Variants in SPG11 observed in about 807,000 individuals in gnomAD.
The protein encoded by SPG11 is SPG11 vesicle trafficking associated, spatacsin.
Under a neutral mutation model 274.0 loss-of-function variants are expected in SPG11, and 222 were observed. The observed-to-expected ratio is 0.81, with a 90% CI of 0.73 to 0.91. SPG11 has a LOEUF of 0.91. Ranked by LOEUF, SPG11 falls within the 40% of genes least tolerant of loss-of-function variation. The pLI is 0.00. For missense variants in SPG11, 3,114 were observed against 2,872.7 expected (o/e 1.08, Z -1.92); for synonymous variants, 1,144 against 1,039.7 (o/e 1.10, Z -1.93).
rs991672508 is a variant in SPG11, at chr15:44,630,452, C to T, written c.1736-1064G>A. 2.6e-5 allele frequency among the ~76,000 whole-genome samples: 4 copies of T among 152,134 alleles called. No individual in the cohort carries two copies. The East Asian group carries it at 5.8e-4, about 22-fold the overall frequency. ...CTCTACAACTGCTGATGGAGCCCTG[C>T]TCAATATCAAAAACTAGGCCTTTTT... On this transcript the variant is annotated intron_variant, in intron 8 of 39. Transcript: ENST00000261866.
Position 44,563,205 on chromosome 15 carries a change from G to C in SPG11, c.7248C>G (p.Tyr2416Ter), listed in dbSNP as rs763259072. The C allele has an allele frequency of 6.2e-7, 1 of 1,613,988 alleles. No homozygotes were observed. Among genetic ancestry groups the C allele is most frequent in the Non-Finnish European group, 8.5e-7 (1 of 1,179,968 alleles). ...EDVYLYYKLA[Y>*]EHKFYEIVNV... Reference sequence around the variant, plus strand: ...TTACAATTTCATAAAACTTGTGTTCGTATGCCAACTTGTAATACAGGTAAA... The same window carrying C: ...TTACAATTTCATAAAACTTGTGTTCCTATGCCAACTTGTAATACAGGTAAA... Residue 2416 changes from tyrosine to a stop codon, truncating the protein, a stop_gained, in exon 40 of 40, where the codon TAC becomes TAG. Coordinates refer to ENST00000261866, the MANE Select transcript of SPG11 (RefSeq NM_025137.4). LOFTEE classifies it high-confidence loss of function.
chr15:44,619,993 G>A (rs997923323), intron 15 of SPG11, 197 bp downstream of exon 15: 3 of 558,420 alleles, frequency 5.4e-6, no homozygotes, highest in Non-Finnish European at 9.6e-6. Flanking sequence ...TGAGATTACA[G>A]GCATGAGCCA....
chr15:44,571,777 T>G (rs896027606), intron 33 of SPG11, among the ~76,000 whole-genome samples: 9 of 151,878 alleles, frequency 5.9e-5, no homozygotes, highest in African/African-American at 2.2e-4. Context: ...GATTACAGGC[T>G]TGAGCCACTG....
intron 7 of SPG11, among the ~76,000 whole-genome samples, chr15:44,639,897 TAAC>T (rs2084390688): frequency 6.6e-6 from 1 of 152,098 alleles, no homozygotes; most frequent in Non-Finnish European, 1.5e-5. Flanking sequence ...TACTGTCAAT[TAAC>T]AAAATGCAAT....
At chr15:44,654,580 T>C (rs968157096) in intron 4 of SPG11, among the ~76,000 whole-genome samples, 3 of 152,182 alleles carry the variant, frequency 2.0e-5, no homozygotes, top group African/African-American at 7.2e-5. Context: ...GGCTCACGCC[T>C]GTAATCCCAG....
chr15:44,633,531 T>G lies in SPG11; in HGVS notation c.1709A>C (p.His570Pro), dbSNP rs1384155729. The part of the protein sequence containing the change: ...SKSSVSDQFD[H>P]LSSHLYLRNV... ...TCTTAAATATAAATGGGATGACAAG[T>G]GATCAAACTGATCAGATACAGAAGA... Residue 570 changes from histidine to proline, a missense_variant, in exon 8 of 40, where the codon CAC becomes CCC. Coordinates refer to ENST00000261866, the MANE Select transcript of SPG11 (RefSeq NM_025137.4). The G allele has an allele frequency of 6.2e-7, 1 of 1,605,060 alleles. No individual in the cohort carries two copies. Among genetic ancestry groups the G allele is most frequent in the Non-Finnish European group, 8.5e-7 (1 of 1,173,212 alleles).
Position 44,649,026 on chromosome 15 carries a change from A to C in SPG11, c.1457-15T>G, listed in dbSNP as rs768675026. 6.8e-6 allele frequency: 11 copies of C among 1,606,744 alleles called. No individual in the cohort carries two copies. In the East Asian group the frequency reaches 2.2e-4, roughly 33 times the overall value. On this transcript the variant is annotated splice_polypyrimidine_tract_variant and intron_variant, in intron 6 of 39. Coordinates refer to ENST00000261866, the MANE Select transcript of SPG11 (RefSeq NM_025137.4). Reference sequence around the variant, plus strand: ...GAGTCCATTCTCTATAGGAAAAATAAAAGTTAGCTTTAACAAATTAGATTA... The same window carrying C: ...GAGTCCATTCTCTATAGGAAAAATACAAGTTAGCTTTAACAAATTAGATTA...
rs763259072 is a variant in SPG11 at position 44,563,205 on chromosome 15, G to A, written c.7248C>T (p.Tyr2416=). Residue 2416 remains tyrosine, a synonymous_variant, in exon 40 of 40, where the codon TAC becomes TAT. Coordinates refer to ENST00000261866, the MANE Select transcript of SPG11 (RefSeq NM_025137.4). ...EDVYLYYKLA[Y]EHKFYEIVNV... ...TTACAATTTCATAAAACTTGTGTTCGTATGCCAACTTGTAATACAGGTAAA... is the reference window on the plus strand; with the variant it reads ...TTACAATTTCATAAAACTTGTGTTCATATGCCAACTTGTAATACAGGTAAA... 48 of 1,613,988 alleles carry A rather than the reference G, an allele frequency of 3.0e-5. No individual in the cohort carries two copies. The Middle Eastern group carries it at 4.9e-4, about 17-fold the overall frequency.
chr15:44,627,620 C>T (rs573818955), intron 10 of SPG11, among the ~76,000 whole-genome samples: 10 of 151,402 alleles, frequency 6.6e-5, no homozygotes, highest in African/African-American at 2.2e-4. Flanking sequence ...GACAGAGTCT[C>T]GCACTGTCAC....
At chr15:44,643,466 C>A (rs1332726260) in intron 7 of SPG11, among the ~76,000 whole-genome samples, 2 of 152,070 alleles carry the variant, frequency 1.3e-5, no homozygotes, top group African/African-American at 2.4e-5. Context: ...GCAAGGACAA[C>A]TGAAGATCCA....
Position 44,640,897 on chromosome 15 carries a change from T to C in SPG11, c.1603-7260A>G, listed in dbSNP as rs533153860. ...AGGTGTGCACCACCATGCCCAGCAA[T>C]TTTTGTATTTTTAGTAGAGACGGGG... is the stretch of plus-strand genomic sequence containing the variant. On this transcript the variant is annotated intron_variant, in intron 7 of 39. Transcript: ENST00000261866. 1.7e-3 allele frequency among the ~76,000 whole-genome samples: 264 copies of C among 152,064 alleles called. 2 individuals carry two copies. The highest frequency in any genetic ancestry group is 6.2e-3 in the African/African-American group (256 of 41,482).
chr15:44,566,102 T>C lies in SPG11; in HGVS notation c.6844-93A>G, dbSNP rs113932955. The C allele has an allele frequency of 2.3e-5, 37 of 1,594,306 alleles. No individual in the cohort carries two copies. In the African/African-American group the frequency reaches 4.7e-4, roughly 20 times the overall value. On this transcript the variant is annotated intron_variant, in intron 37 of 39. Transcript: ENST00000261866. ...CAACGGTATTCACCCCTTCTGTTCC[T>C]GGTTGGCCTATGATGCCCTCCCGCT...
At chr15:44,658,927 G>A in intron 3 of SPG11, 152 bp downstream of exon 3, 1 of 696,358 alleles carries the variant, frequency 1.4e-6, no homozygotes, top group East Asian at 2.6e-5. Flanking sequence ...AGTATTTTAA[G>A]TTTATGAGGA....
At chr15:44,634,880 G>A (rs890450330) in intron 7 of SPG11, among the ~76,000 whole-genome samples, 1 of 152,026 alleles carries the variant, frequency 6.6e-6, no homozygotes, top group Non-Finnish European at 1.5e-5. Flanking sequence ...GCACCTGGCT[G>A]CATTCTATAT....
At position 44,659,223 on chromosome 15, in the gene SPG11, G is replaced by A; in HGVS notation, c.523C>T (p.His175Tyr). Residue 175 changes from histidine to tyrosine, a missense_variant, in exon 3 of 40, where the codon CAT (histidine) becomes TAT (tyrosine). Coordinates refer to ENST00000261866, the MANE Select transcript of SPG11 (RefSeq NM_025137.4). The part of the protein sequence containing the change: ...LLFINKCVIL[H>Y]IIFPERDAAI... ...GCATCTCTTTCAGGAAATATAATAT[G>A]TAGGATGACACATTTGTTGATGAAC... 5 of 1,614,134 alleles carry A rather than the reference G, an allele frequency of 3.1e-6. No individual in the cohort carries two copies. Among genetic ancestry groups the A allele is most frequent in the Non-Finnish European group, 4.2e-6 (5 of 1,179,966 alleles).
chr15:44,566,545 TTACA>T (rs1407973816), intron 36 of SPG11, among the ~76,000 whole-genome samples: 1 of 152,196 alleles, frequency 6.6e-6, no homozygotes, highest in African/African-American at 2.4e-5. Context: ...CAAGGAAGGC[TTACA>T]TGGTATCAAC....
chr15:44,635,793 T>C (rs895025799), intron 7 of SPG11, among the ~76,000 whole-genome samples: 1 of 151,738 alleles, frequency 6.6e-6, no homozygotes, highest in Admixed American at 6.6e-5. Flanking sequence ...GGTGTGCACC[T>C]GCAGTCCCAG....
chr15:44,609,992 C>T (rs2083420073), intron 18 of SPG11, among the ~76,000 whole-genome samples: 1 of 149,812 alleles, frequency 6.7e-6, no homozygotes, highest in African/African-American at 2.5e-5. Context: ...AACCTCTGCC[C>T]CCTGGGTTCA....
At chr15:44,613,798 T>C (rs2083522928) in intron 16 of SPG11, among the ~76,000 whole-genome samples, 1 of 152,256 alleles carries the variant, frequency 6.6e-6, no homozygotes, top group African/African-American at 2.4e-5. Context: ...GATTAATAGA[T>C]ACCTTGTACT....
Sources: allele counts gnomAD v4.1 joint callset (sites outside exome capture counted in the v4.1 genomes callset), GRCh38; gene constraint gnomAD v4.1.1; transcripts MANE v1.5; gene names NCBI Gene and HGNC (gene_info 2026-07-23, HGNC 2026-07-21).